Variants in ITGA1 observed in about 807,000 individuals in gnomAD.
The protein encoded by ITGA1 is integrin alpha-1.
ITGA1 carries 85 observed loss-of-function variants against 145.9 expected under a neutral mutation model. The observed-to-expected ratio is 0.58, with a 90% CI of 0.49 to 0.70. The LOEUF (loss-of-function observed/expected upper bound fraction) is 0.70. Ranked by LOEUF, ITGA1 falls within the 30% of genes least tolerant of loss-of-function variation. The probability of loss-of-function intolerance (pLI) is 0.00; values close to 1 mark genes in which losing one functional copy is unlikely to be tolerated. For missense variants in ITGA1, 1,351 were observed against 1,418.7 expected (o/e 0.95, Z 0.77); for synonymous variants, 520 against 495.3 (o/e 1.05, Z -0.66).
chr5:52,795,436 A>G (rs947272900), intron 1 of ITGA1, among the ~76,000 whole-genome samples: 2 of 151,938 alleles, frequency 1.3e-5, no homozygotes, highest in African/African-American at 4.8e-5. Flanking sequence ...AGCAGAGGGT[A>G]TTAAAACAAG....
rs562567786 is a variant in ITGA1 at position 52,925,499 on chromosome 5, GT to G, written c.2613+17del. ...TTTCAGGAATTGAGGTAAACTTCCA[GT>G]TTTTCATTTATTTGTTCTCTTAACA... is the stretch of plus-strand genomic sequence containing the variant. On this transcript the variant is annotated intron_variant, in intron 19 of 28. Transcript: ENST00000282588. 2,202 of 1,582,910 alleles carry G rather than the reference GT, an allele frequency of 1.4e-3. 27 individuals are homozygous for G. In the African/African-American group the frequency reaches 0.027, roughly 20 times the overall value.
chr5:52,872,874 C>T (rs1366248119), intron 6 of ITGA1, among the ~76,000 whole-genome samples: 2 of 152,108 alleles, frequency 1.3e-5, no homozygotes, highest in Non-Finnish European at 2.9e-5. Flanking sequence ...AAAATGCCTT[C>T]CTCTCCTATG....
At chr5:52,926,560 C>G (rs965100859) in intron 19 of ITGA1, among the ~76,000 whole-genome samples, 1 of 152,074 alleles carries the variant, frequency 6.6e-6, no homozygotes, top group Non-Finnish European at 1.5e-5. Flanking sequence ...CGAGATTGCA[C>G]CACTGCACTC....
chr5:52,928,382 TCTC>T (rs1221439945), intron 20 of ITGA1, among the ~76,000 whole-genome samples: 2 of 152,104 alleles, frequency 1.3e-5, no homozygotes, highest in Non-Finnish European at 2.9e-5. Context: ...AATCAGAAAT[TCTC>T]CTTCCATCTC....
At chr5:52,843,622 A>G (rs1450833819) in intron 1 of ITGA1, among the ~76,000 whole-genome samples, 5 of 152,186 alleles carry the variant, frequency 3.3e-5, no homozygotes, top group African/African-American at 1.2e-4. Flanking sequence ...TTTTTCTGCC[A>G]GTCCTATTCT....
At chr5:52,859,337 C>A (rs1366523009) in intron 2 of ITGA1, among the ~76,000 whole-genome samples, 1 of 152,096 alleles carries the variant, frequency 6.6e-6, no homozygotes, top group Non-Finnish European at 1.5e-5. Context: ...ATATATAACA[C>A]TATGAGCATT....
chr5:52,886,258 C>T (rs1436022097), intron 7 of ITGA1, among the ~76,000 whole-genome samples: 1 of 152,140 alleles, frequency 6.6e-6, no homozygotes, highest in East Asian at 1.9e-4. Flanking sequence ...CCTGTATATC[C>T]ACCACTCAGA....
intron 8 of ITGA1, among the ~76,000 whole-genome samples, chr5:52,889,381 C>T (rs1380591336): frequency 1.3e-5 from 2 of 152,160 alleles, no homozygotes; most frequent in Non-Finnish European, 2.9e-5. Context: ...GGATTACAGG[C>T]GTGAGCCACC....
intron 1 of ITGA1, chr5:52,801,041 A>G (rs1236645916): frequency 1.9e-6 from 3 of 1,614,104 alleles, no homozygotes; most frequent in Non-Finnish European, 2.5e-6. Flanking sequence ...GTGAGGGAGC[A>G]GTTCTGCGAC....
intron 9 of ITGA1, among the ~76,000 whole-genome samples, chr5:52,896,785 G>C (rs1750233917): frequency 6.6e-6 from 1 of 152,122 alleles, no homozygotes. Flanking sequence ...CTGCATTTCA[G>C]TAAAGAGCTT....
chr5:52,932,212 C>A, intron 22 of ITGA1, 76 bp downstream of exon 22: 2 of 863,624 alleles, frequency 2.3e-6, no homozygotes, highest in Non-Finnish European at 1.9e-6. Context: ...CCCTGCCTGG[C>A]CAAGGGCATC....
rs765448143 is a variant in ITGA1 at position 52,929,643 on chromosome 5, T to A, written c.2713T>A (p.Phe905Ile). 1 of 1,578,138 alleles carries A rather than the reference T, an allele frequency of 6.3e-7. No individual in the cohort carries two copies. The highest frequency in any genetic ancestry group is 8.7e-7 in the Non-Finnish European group (1 of 1,152,334). ...TTTATAGGTAACTTTCAAAATATTG[T>A]TTCAGTTTAACACATCCTATCTCAT... is the stretch of plus-strand genomic sequence containing the variant. ...RGEMVTFKIL[F>I]QFNTSYLMEN... The change falls in exon 21 of 29, where the codon TTT (phenylalanine) becomes ATT (isoleucine). Residue 905 changes from phenylalanine (F) to isoleucine (I), a missense_variant. Physicochemically the swap from Phe to Ile is conservative, Grantham distance 21 (BLOSUM62 0). Coordinates refer to ENST00000282588, the MANE Select transcript of ITGA1 (RefSeq NM_181501.2).
chr5:52,956,068 A>G lies in ITGA1; in HGVS notation c.*3617A>G, dbSNP rs898752877. 1.6e-4 allele frequency: 25 copies of G among 152,230 alleles called. No individual in the cohort carries two copies. Among genetic ancestry groups the G allele is most frequent in the African/African-American group, 5.8e-4 (24 of 41,524 alleles). 9.4% of individuals were successfully genotyped at this position (152,230 alleles called of 1,614,324 possible). On this transcript the variant is annotated 3_prime_UTR_variant, in exon 29 of 29. Transcript: ENST00000282588. Reference sequence around the variant, plus strand: ...ATGGAAATATTTGCACCAAAAGAAAAAAGTGCCATTGTTGTGATCAATGGA... The same window carrying G: ...ATGGAAATATTTGCACCAAAAGAAAGAAGTGCCATTGTTGTGATCAATGGA...
At chr5:52,899,676 C>T (rs959815719) in intron 11 of ITGA1, among the ~76,000 whole-genome samples, 2 of 152,086 alleles carry the variant, frequency 1.3e-5, no homozygotes, top group East Asian at 1.9e-4. Context: ...CTCACTCTCT[C>T]GAAAACTTAA....
chr5:52,841,799 T>A (rs780819363), intron 1 of ITGA1, among the ~76,000 whole-genome samples: 3 of 152,220 alleles, frequency 2.0e-5, no homozygotes, highest in Non-Finnish European at 4.4e-5. Flanking sequence ...TAGAAAATAC[T>A]TAATATATCA....
intron 1 of ITGA1, among the ~76,000 whole-genome samples, chr5:52,844,557 T>C (rs1360355132): frequency 6.6e-6 from 1 of 152,180 alleles, no homozygotes; most frequent in East Asian, 1.9e-4. Context: ...ATTTTCAGAA[T>C]GATGATAGTA....
At chr5:52,896,975 G>C (rs576684264) in intron 9 of ITGA1, among the ~76,000 whole-genome samples, 5 of 152,252 alleles carry the variant, frequency 3.3e-5, no homozygotes, top group African/African-American at 9.6e-5. Context: ...TCTATGGCCT[G>C]AATATGGGTG....
At chr5:52,791,494 T>C (rs1748239585) in intron 1 of ITGA1, among the ~76,000 whole-genome samples, 1 of 152,116 alleles carries the variant, frequency 6.6e-6, no homozygotes, top group South Asian at 2.1e-4. Flanking sequence ...ATACCTCCTT[T>C]CCTCCCACCC....
chr5:52,933,075 G>A (rs933315027), intron 22 of ITGA1: 2 of 151,834 alleles, frequency 1.3e-5, no homozygotes, highest in African/African-American at 2.4e-5. Context: ...GTAATATATA[G>A]CAACTAAACA....
Sources: allele counts gnomAD v4.1 joint callset (sites outside exome capture counted in the v4.1 genomes callset), GRCh38; gene constraint gnomAD v4.1.1; transcripts MANE v1.5; gene names NCBI Gene and HGNC (gene_info 2026-07-23, HGNC 2026-07-21).